The following SPAG7 variants were observed in gnomAD, a reference collection of about 807,000 sequenced individuals.
SPAG7 encodes sperm-associated antigen 7.
A neutral mutation model predicts 30.6 loss-of-function variants in SPAG7; 20 were observed. That is an observed-to-expected ratio of 0.65 (90% CI 0.46 to 0.95). The LOEUF is 0.95. SPAG7 is among the 40% of genes least tolerant of loss of function. SPAG7 has a pLI of 0.00. For synonymous variants in SPAG7, 127 were observed against 104.2 expected (o/e 1.22, Z -1.33); for missense variants, 276 against 291.1 (o/e 0.95, Z 0.38).
chr17:4,963,476 T>G (rs1298776536), intron 1 of SPAG7, among the ~76,000 whole-genome samples: 2 of 125,422 alleles, frequency 1.6e-5, no homozygotes, highest in East Asian at 4.7e-4. Flanking sequence ...TTTTTTTTTT[T>G]GAGATGGAAT....
rs1329625411 is a variant in SPAG7 at position 4,959,409 on chromosome 17, C to T, written c.*125G>A. Reference sequence around the variant, plus strand: ...AAATCAAACACCTGTTTTCCCCCAGCCTGAGGGACAGCTGGTAGGAGGTGG... The same window carrying T: ...AAATCAAACACCTGTTTTCCCCCAGTCTGAGGGACAGCTGGTAGGAGGTGG... On this transcript the variant is annotated 3_prime_UTR_variant, in exon 7 of 7. Transcript: ENST00000206020. 8.2e-6 allele frequency: 6 copies of T among 729,272 alleles called. No homozygotes were observed. The highest frequency in any genetic ancestry group is 4.0e-4 in the Middle Eastern group (1 of 2,510). 45.2% of individuals were successfully genotyped at this position (729,272 alleles called of 1,614,324 possible). A position where few individuals can be genotyped will look rare whatever the true frequency, so the allele number is the denominator to read the frequency against.
At chr17:4,965,826 G>GTATGTTTATTTA (rs1555555820) in intron 1 of SPAG7, 1 of 148,512 alleles carries the variant, frequency 6.7e-6, no homozygotes, top group Non-Finnish European at 1.5e-5. Flanking sequence ...CCCAGCTAAT[G>GTATGTTTATTTA]TTTATTTATT....
chr17:4,960,389 G>GC (rs1186253680), intron 3 of SPAG7, 70 bp downstream of exon 3: 11 of 1,595,400 alleles, frequency 6.9e-6, no homozygotes, highest in East Asian at 2.2e-5. Context: ...CTCTGGAGGA[G>GC]CCCCCCGCTG....
Position 4,967,723 on chromosome 17 carries a change from G to C in SPAG7, c.82C>G (p.Arg28Gly). ...GTTGTGAATTTGGGATCCTCACCTC[G>C]GGCCTTGCGCCGAGTCTCCTGGTCA... ...LGDQETRRKA[R>G]EQAARLKKLQ... Residue 28 changes from arginine to glycine, a missense_variant, in exon 1 of 7, where the codon CGA (arginine) becomes GGA (glycine). Arg to Gly is a moderately radical substitution (Grantham distance 125, BLOSUM62 -2). Coordinates refer to ENST00000206020, the MANE Select transcript of SPAG7 (RefSeq NM_004890.3). 1.2e-6 allele frequency: 2 copies of C among 1,613,180 alleles called. No homozygotes were observed. Among genetic ancestry groups the C allele is most frequent in the Non-Finnish European group, 1.7e-6 (2 of 1,179,156 alleles).
intron 1 of SPAG7, among the ~76,000 whole-genome samples, chr17:4,963,153 A>C (rs1462626971): frequency 6.6e-6 from 1 of 151,976 alleles, no homozygotes; most frequent in Non-Finnish European, 1.5e-5. Flanking sequence ...AGTACTTTGG[A>C]AGGCCAAGGT....
chr17:4,967,224 G>A, intron 1 of SPAG7: 2 of 993,292 alleles, frequency 2.0e-6, no homozygotes, highest in Admixed American at 5.6e-5. Flanking sequence ...GGAGGGGCAA[G>A]AACACACAGA....
chr17:4,960,177 G>T (rs767510040), intron 4 of SPAG7, 57 bp downstream of exon 4: 29 of 1,601,804 alleles, frequency 1.8e-5, no homozygotes, highest in Non-Finnish European at 2.3e-5. Flanking sequence ...CTTGGTCGGG[G>T]AGGGGGGATA....
chr17:4,967,223 A>G (rs1971973780), intron 1 of SPAG7: 1 of 992,780 alleles, frequency 1.0e-6, no homozygotes, highest in Non-Finnish European at 1.2e-6. Context: ...AGGAGGGGCA[A>G]GAACACACAG....
In SPAG7 at chr17:4,959,505, CA is replaced by C; in HGVS notation, c.*28del. On this transcript the variant is annotated 3_prime_UTR_variant, in exon 7 of 7. Coordinates refer to ENST00000206020, the MANE Select transcript of SPAG7 (RefSeq NM_004890.3). The stretch of plus-strand genomic sequence containing the variant: ...TCTCTCCCTGCCCCCTGCCCTGCCC[CA>C]GGGGTCAAAGGGAGCTGGGCGGGGC... 1.0e-5 allele frequency: 16 copies of C among 1,586,756 alleles called. No individual in the cohort carries two copies. The highest frequency in any genetic ancestry group is 1.4e-5 in the Non-Finnish European group (16 of 1,159,876).
Position 4,960,495 on chromosome 17 carries a change from T to C in SPAG7, c.206A>G (p.Lys69Arg), listed in dbSNP as rs1332698093. Reference sequence around the variant, plus strand: ...CTCGATCTTGTTCATTGGCTGAAACTTTTTCTTGATCTGCCCACTGTCTTG... The same window carrying C: ...CTCGATCTTGTTCATTGGCTGAAACCTTTTCTTGATCTGCCCACTGTCTTG... Reference protein sequence around the residue: ...FIQDSGQIKKKFQPMNKIERS... With the variant: ...FIQDSGQIKKRFQPMNKIERS... The change falls in exon 3 of 7, where the codon AAG (lysine) becomes AGG (arginine). Residue 69 changes from lysine to arginine, a missense_variant. By Grantham distance (26) the Lys-to-Arg change is conservative. Transcript: ENST00000206020. 6.2e-7 allele frequency: 1 copy of C among 1,601,478 alleles called. No individual in the cohort carries two copies. Among genetic ancestry groups the C allele is most frequent in the African/African-American group, 1.4e-5 (1 of 73,938 alleles).
Position 4,959,454 on chromosome 17 carries a change from G to A in SPAG7, c.*80C>T, listed in dbSNP as rs1395453584. 1.8e-6 allele frequency: 2 copies of A among 1,130,140 alleles called. No homozygotes were observed. Among genetic ancestry groups the A allele is most frequent in the East Asian group, 4.7e-5 (2 of 42,420 alleles). 70.0% of individuals were successfully genotyped at this position (1,130,140 alleles called of 1,614,324 possible). On this transcript the variant is annotated 3_prime_UTR_variant, in exon 7 of 7. Coordinates refer to ENST00000206020, the MANE Select transcript of SPAG7 (RefSeq NM_004890.3). ...AGGTGGTTCAGAGGTGGGGCTCCAG[G>A]ATGGGCTCTAATAGCAGCAGCCTTG... is the stretch of plus-strand genomic sequence containing the variant.
chr17:4,959,499 C>T lies in SPAG7; in HGVS notation c.*35G>A. ...GCCTTGTCTCTCCCTGCCCCCTGCCCTGCCCCAGGGGTCAAAGGGAGCTGG... is the reference window on the plus strand; with the variant it reads ...GCCTTGTCTCTCCCTGCCCCCTGCCTTGCCCCAGGGGTCAAAGGGAGCTGG... On this transcript the variant is annotated 3_prime_UTR_variant, in exon 7 of 7. Transcript: ENST00000206020. 2 of 1,564,010 alleles carry T rather than the reference C, an allele frequency of 1.3e-6. No homozygotes were observed. Among genetic ancestry groups the T allele is most frequent in the Non-Finnish European group, 1.8e-6 (2 of 1,140,042 alleles).
chr17:4,960,212 A>G, intron 4 of SPAG7, 22 bp downstream of exon 4: 1 of 1,611,266 alleles, frequency 6.2e-7, no homozygotes, highest in Non-Finnish European at 8.5e-7. Context: ...AGAGGAGAGA[A>G]TGAGGAATTC....
intron 2 of SPAG7, 104 bp from the exon 3 acceptor site, chr17:4,960,651 CAGCCTCCA>C: frequency 1.5e-6 from 2 of 1,352,102 alleles, no homozygotes; most frequent in African/African-American, 1.4e-5. Flanking sequence ...GCACCCTCCC[CAGCCTCCA>C]AGCCACTGGC....
At chr17:4,964,303 C>T (rs1971911424) in intron 1 of SPAG7, among the ~76,000 whole-genome samples, 1 of 151,980 alleles carries the variant, frequency 6.6e-6, no homozygotes, top group South Asian at 2.1e-4. Flanking sequence ...TCTTCCTACT[C>T]CTGCTCCTCA....
At chr17:4,961,831 C>G (rs1374209590) in intron 1 of SPAG7, among the ~76,000 whole-genome samples, 1 of 149,700 alleles carries the variant, frequency 6.7e-6, no homozygotes, top group Non-Finnish European at 1.5e-5. Flanking sequence ...TAACAATGTA[C>G]TGAAATAAAA....
chr17:4,966,550 AAT>A, intron 1 of SPAG7: 1 of 979,664 alleles, frequency 1.0e-6, no homozygotes, highest in Non-Finnish European at 1.2e-6. Flanking sequence ...AGAGATTTCA[AAT>A]AGACTCTTCT....
intron 4 of SPAG7, 31 bp downstream of exon 4, chr17:4,960,203 G>A: frequency 6.2e-7 from 1 of 1,606,912 alleles, no homozygotes; most frequent in Non-Finnish European, 8.5e-7. Context: ...ACAAAGGGGA[G>A]AGGAGAGAAT....
chr17:4,963,532 C>G (rs1178486815), intron 1 of SPAG7, among the ~76,000 whole-genome samples: 2 of 144,646 alleles, frequency 1.4e-5, no homozygotes, highest in Non-Finnish European at 3.0e-5. Flanking sequence ...GATCTTGGCT[C>G]ACTGCAACCT....
Sources: allele counts gnomAD v4.1 joint callset (sites outside exome capture counted in the v4.1 genomes callset), GRCh38; gene constraint gnomAD v4.1.1; transcripts MANE v1.5; gene names NCBI Gene and HGNC (gene_info 2026-07-23, HGNC 2026-07-21).